The following DCLRE1C variants were observed in gnomAD, a reference collection of about 807,000 sequenced individuals.
DCLRE1C encodes DNA cross-link repair 1C.
In DCLRE1C, 47 loss-of-function variants were observed where a neutral mutation model predicts 61.4. The ratio of observed to expected loss-of-function variants is 0.77; its 90% CI spans 0.61 to 0.98. DCLRE1C has a LOEUF of 0.98. Among genes scored for constraint, DCLRE1C ranks in the 50% least tolerant of loss-of-function variants. The pLI is 0.00. For missense variants in DCLRE1C, 858 were observed against 816.0 expected (o/e 1.05, Z -0.63); for synonymous variants, 337 against 287.6 (o/e 1.17, Z -1.74).
chr10:14,903,500 G>A (rs1423061645), downstream of DCLRE1C: 2 of 152,108 alleles, frequency 1.3e-5, no homozygotes, highest in Non-Finnish European at 2.9e-5. Context: ...ACTTCCTGCA[G>A]GTTCTTCTTA....
Position 14,909,219 on chromosome 10 carries a change from T to C in DCLRE1C, c.1268A>G (p.Glu423Gly), listed in dbSNP as rs746284396. 6.2e-7 allele frequency: 1 copy of C among 1,614,040 alleles called. No individual in the cohort carries two copies. Among genetic ancestry groups the C allele is most frequent in the African/African-American group, 1.3e-5 (1 of 74,932 alleles). Residue 423 changes from glutamate to glycine, a missense_variant, in exon 14 of 14, where the codon GAA becomes GGA. By Grantham distance (98) the Glu-to-Gly change is moderately conservative. Around this residue, in one of 2 missense-constraint regions of DCLRE1C, gnomAD observed 843 missense variants for 783.5 expected, o/e 1.08. Transcript: ENST00000378278. ...PEVFSMTAVSEKQPEKLRQTP... is the reference protein window; with the variant it reads ...PEVFSMTAVSGKQPEKLRQTP... ...TTGTCTCAGTTTTTCAGGCTGCTTT[T>C]CTGATACTGCAGTCATTGAAAATAC...
In DCLRE1C at chr10:14,945,141, TAAC is replaced by T. The variant is rs753202682; in HGVS notation, c.207_209del (p.Leu70del). ...TCCAAAATCTGTATTTCGGGCTCGT[TAAC>T]AACAACTCCTTAGTCACAGGTGAAC... On this transcript the variant is annotated inframe_deletion, in exon 3 of 14. Coordinates refer to ENST00000378278, the MANE Select transcript of DCLRE1C (RefSeq NM_001033855.3). 36 of 1,613,012 alleles carry T rather than the reference TAAC, an allele frequency of 2.2e-5. No individual in the cohort carries two copies. The highest frequency in any genetic ancestry group is 4.0e-5 in the African/African-American group (3 of 75,010).
chr10:14,913,647 T>C (rs1238197730), intron 13 of DCLRE1C, among the ~76,000 whole-genome samples: 4 of 152,196 alleles, frequency 2.6e-5, no homozygotes, highest in Non-Finnish European at 5.9e-5. Flanking sequence ...ATCAAACATA[T>C]TTGGAAAAAA....
intron 13 of DCLRE1C, among the ~76,000 whole-genome samples, chr10:14,917,725 G>T (rs974720370): frequency 6.6e-6 from 1 of 152,162 alleles, no homozygotes; most frequent in Non-Finnish European, 1.5e-5. Context: ...GCTGAAGTGG[G>T]AGGATCACTT....
chr10:14,931,658 A>C lies in DCLRE1C; in HGVS notation c.780+1196T>G, dbSNP rs78012779. ...AGAAATAGGACCATCAAGACATGAA[A>C]CTATTTTAAAGTGTGAAAAAAAGTT... On this transcript the variant is annotated intron_variant, in intron 9 of 13. Coordinates refer to ENST00000378278, the MANE Select transcript of DCLRE1C (RefSeq NM_001033855.3). Among the ~76,000 whole-genome samples the C allele has an allele frequency of 8.3e-3, 1,264 of 152,290 alleles. 25 individuals are homozygous for C. Among genetic ancestry groups the C allele is most frequent in the African/African-American group, 0.029 (1,189 of 41,556 alleles).
intron 13 of DCLRE1C, among the ~76,000 whole-genome samples, chr10:14,916,304 C>A (rs970117275): frequency 6.6e-6 from 1 of 152,102 alleles, no homozygotes; most frequent in Admixed American, 6.5e-5. Context: ...TCTATATACA[C>A]AAACAATGAT....
At chr10:14,925,569 ATG>A (rs1837833767) in intron 11 of DCLRE1C, among the ~76,000 whole-genome samples, 1 of 152,192 alleles carries the variant, frequency 6.6e-6, no homozygotes, top group South Asian at 2.1e-4. Flanking sequence ...ACCTTGTTTT[ATG>A]TGTGTTTCTG....
Position 14,926,774 on chromosome 10 carries a change from C to T in DCLRE1C, c.972+69G>A, listed in dbSNP as rs138397109. The T allele has an allele frequency of 4.3e-5, 53 of 1,244,774 alleles. No individual in the cohort carries two copies. The African/African-American group carries it at 7.1e-4, about 17-fold the overall frequency. The allele number at this position is 1,244,774 out of a possible 1,614,324, so 77.1% of individuals were successfully genotyped here. On this transcript the variant is annotated intron_variant, in intron 11 of 13. Transcript: ENST00000378278. ...AGAGATGCTTCTGAGAGTCAGGGGA[C>T]TACCTGTCAACTACCAAGGCTGCAG...
intron 9 of DCLRE1C, among the ~76,000 whole-genome samples, chr10:14,930,098 G>A (rs1246465693): frequency 2.6e-5 from 4 of 151,922 alleles, no homozygotes; most frequent in African/African-American, 9.7e-5. Flanking sequence ...CAGAAAAAGG[G>A]ACAAAAAGGT....
At chr10:14,904,242 T>G (rs923263877), downstream of DCLRE1C, 1 of 150,486 alleles carries the variant, frequency 6.6e-6, no homozygotes, top group African/African-American at 2.5e-5. Flanking sequence ...GAGGCGGAGG[T>G]TGCAGTGAGC....
intron 4 of DCLRE1C, among the ~76,000 whole-genome samples, chr10:14,939,240 G>C (rs1189302607): frequency 1.3e-5 from 2 of 152,076 alleles, no homozygotes; most frequent in Non-Finnish European, 2.9e-5. Flanking sequence ...AGTTCAAGAT[G>C]AGTCTGACCA....
At chr10:14,921,864 A>G (rs1837172172) in intron 12 of DCLRE1C, among the ~76,000 whole-genome samples, 2 of 152,020 alleles carry the variant, frequency 1.3e-5, no homozygotes, top group Non-Finnish European at 2.9e-5. Flanking sequence ...TTTAGTTCTC[A>G]CCTGCACTGC....
chr10:14,918,783 T>G (rs1420178016), intron 13 of DCLRE1C, among the ~76,000 whole-genome samples: 2 of 152,184 alleles, frequency 1.3e-5, no homozygotes, highest in Non-Finnish European at 2.9e-5. Context: ...TGGGCACCAG[T>G]TATAGGCTTA....
At chr10:14,915,634 G>C (rs937127005) in intron 13 of DCLRE1C, among the ~76,000 whole-genome samples, 6 of 150,588 alleles carry the variant, frequency 4.0e-5, no homozygotes, top group Non-Finnish European at 5.9e-5. Context: ...AATCACATTT[G>C]TAGTTAAAAA....
Position 14,954,019 on chromosome 10 carries a change from C to A in DCLRE1C, c.-9G>T. 3 of 1,613,924 alleles carry A rather than the reference C, an allele frequency of 1.9e-6. No homozygotes were observed. The highest frequency in any genetic ancestry group is 2.5e-6 in the Non-Finnish European group (3 of 1,179,910). The stretch of plus-strand genomic sequence containing the variant: ...CCCTCGAAAGAACTCATAGCGCCGC[C>A]GATCCCAGAGTCCGGGACCCCAAAA... On this transcript the variant is annotated 5_prime_UTR_variant, in exon 1 of 14. Transcript: ENST00000378278.
At chr10:14,903,522 A>G (rs1472871185), downstream of DCLRE1C, 3 of 152,210 alleles carry the variant, frequency 2.0e-5, no homozygotes, top group African/African-American at 7.2e-5. Context: ...AAAGTAATCT[A>G]TATTTTTGAA....
chr10:14,945,944 C>A (rs1445460892), intron 2 of DCLRE1C, among the ~76,000 whole-genome samples: 1 of 149,544 alleles, frequency 6.7e-6, no homozygotes, highest in Non-Finnish European at 1.5e-5. Context: ...AGGCGAGAGC[C>A]ACTGCGCCCG....
At chr10:14,923,117 G>A in intron 11 of DCLRE1C, 48 bp from the exon 12 acceptor site, 1 of 1,400,086 alleles carries the variant, frequency 7.1e-7, no homozygotes, top group Non-Finnish European at 1.0e-6. Flanking sequence ...CGATGAAACA[G>A]GTTGTTAGGG....
intron 9 of DCLRE1C, among the ~76,000 whole-genome samples, chr10:14,932,318 G>A (rs758343541): frequency 6.6e-5 from 10 of 152,110 alleles, no homozygotes; most frequent in East Asian, 5.8e-4. Context: ...ATTATCAAAC[G>A]TGTATGAATA....
Sources: allele counts gnomAD v4.1 joint callset (sites outside exome capture counted in the v4.1 genomes callset), GRCh38; gene constraint gnomAD v4.1.1; regional missense constraint gnomAD v4.1.1; transcripts MANE v1.5; gene names NCBI Gene and HGNC (gene_info 2026-07-23, HGNC 2026-07-21).